Variants in POMC observed in about 807,000 individuals in gnomAD.
POMC encodes pro-opiomelanocortin.
POMC carries 19 observed loss-of-function variants against 18.5 expected under a neutral mutation model. The ratio of observed to expected loss-of-function variants is 1.03; its 90% CI spans 0.72 to 1.51. POMC has a LOEUF of 1.51. Ranked by LOEUF, POMC falls within the 40% of genes most tolerant of loss-of-function variation. The pLI is 0.00. For missense variants in POMC, 451 were observed against 379.0 expected (o/e 1.19, Z -1.58); for synonymous variants, 179 against 161.9 (o/e 1.11, Z -0.80).
At chr2:25,164,572 T>C (rs565125686) in intron 2 of POMC, 69 bp downstream of exon 2, 19 of 1,609,600 alleles carry the variant, frequency 1.2e-5, no homozygotes, top group Middle Eastern at 1.7e-4. Context: ...CACACCCTTT[T>C]CTTTTGAGCT....
At chr2:25,165,008 T>C (rs1417363318) in intron 1 of POMC, among the ~76,000 whole-genome samples, 1 of 152,092 alleles carries the variant, frequency 6.6e-6, no homozygotes, top group East Asian at 1.9e-4. Context: ...CTGTGACCAT[T>C]TCCCTGTTAT....
intron 1 of POMC, among the ~76,000 whole-genome samples, chr2:25,167,122 C>G: frequency 6.6e-6 from 1 of 152,158 alleles, no homozygotes; most frequent in Non-Finnish European, 1.5e-5. Context: ...AAACTGCACG[C>G]TGGCCATGAC....
At chr2:25,166,390 G>A (rs1180474250) in intron 1 of POMC, among the ~76,000 whole-genome samples, 1 of 152,202 alleles carries the variant, frequency 6.6e-6, no homozygotes, top group African/African-American at 2.4e-5. Context: ...GAACTTGGTG[G>A]ACCAGGCAAT....
At position 25,161,239 on chromosome 2, in the gene POMC, T is replaced by C. The variant is rs759304451; in HGVS notation, c.646A>G (p.Lys216Glu). The C allele has an allele frequency of 3.1e-6, 5 of 1,610,884 alleles. No homozygotes were observed. Among genetic ancestry groups the C allele is most frequent in the Non-Finnish European group, 2.5e-6 (3 of 1,178,894 alleles). Residue 216 changes from lysine to glutamate, a missense_variant, in exon 3 of 3, where the codon AAG becomes GAG. Physicochemically the swap from Lys to Glu is moderately conservative, Grantham distance 56. Coordinates refer to ENST00000395826, the MANE Select transcript of POMC (RefSeq NM_000939.4). The surrounding 1 kb of genome is among the most constrained non-coding windows in gnomAD (Gnocchi z 5.7). ...TCCATCCTGTAGGGGCCCTCGTCCT[T>C]CTTCTCGGCCGCCACCAGCAGGCTG... The part of the protein sequence containing the change: ...EHSLLVAAEK[K>E]DEGPYRMEHF...
intron 1 of POMC, 95 bp from the exon 2 acceptor site, chr2:25,164,887 A>C: frequency 2.2e-6 from 3 of 1,370,146 alleles, no homozygotes; most frequent in Non-Finnish European, 3.1e-6. Flanking sequence ...TTAACAACAC[A>C]CTCTCTTGTG....
intron 1 of POMC, among the ~76,000 whole-genome samples, chr2:25,167,894 C>T (rs961888588): frequency 2.0e-5 from 3 of 152,258 alleles, no homozygotes; most frequent in Admixed American, 2.0e-4. Context: ...TGGCTCGCGC[C>T]TGTAATGCCA....
rs6713396 is a variant in POMC, at chr2:25,161,836, T to C, written c.133-84A>G. 0.039 allele frequency: 57,599 copies of C among 1,473,870 alleles called. 3,289 individuals carry two copies. The highest frequency in any genetic ancestry group is 0.28 in the African/African-American group (19,199 of 69,392). The allele number at this position is 1,473,870 out of a possible 1,614,324, so 91.3% of individuals were successfully genotyped here. A position where few individuals can be genotyped will look rare whatever the true frequency, so the allele number is the denominator to read the frequency against. On this transcript the variant is annotated intron_variant, in intron 2 of 2. Transcript: ENST00000395826. This position sits in a 1 kb window ranked among gnomAD's most constrained non-coding sequence, Gnocchi z 5.7. The stretch of plus-strand genomic sequence containing the variant: ...CGCGCCCGTCACTGCGCCTAGGCCC[T>C]GGCCGCCCTCGCCACGTGCCGAGGA...
At chr2:25,163,725 C>T (rs1671465197) in intron 2 of POMC, among the ~76,000 whole-genome samples, 1 of 152,216 alleles carries the variant, frequency 6.6e-6, no homozygotes, top group Admixed American at 6.5e-5. Flanking sequence ...TGTCGTCAGA[C>T]TCCTGGCCTC....
In POMC at chr2:25,161,452, G is replaced by C. The variant is rs756412997; in HGVS notation, c.433C>G (p.Arg145Gly). 1 of 1,610,138 alleles carries C rather than the reference G, an allele frequency of 6.2e-7. No individual in the cohort carries two copies. Among genetic ancestry groups the C allele is most frequent in the South Asian group, 1.1e-5 (1 of 90,610 alleles). The change falls in exon 3 of 3, where the codon CGC becomes GGC. Residue 145 changes from arginine (R) to glycine (G), a missense_variant. Transcript: ENST00000395826. This position sits in a 1 kb window ranked among gnomAD's most constrained non-coding sequence, Gnocchi z 5.7. The part of the protein sequence containing the change: ...GKRSYSMEHF[R>G]WGKPVGKKRR... ...TTCTTGCCCACCGGCTTGCCCCAGC[G>C]GAAGTGCTCCATGGAGTAGGAGCGC...
chr2:25,164,646 G>A lies in POMC; in HGVS notation c.127C>T (p.Leu43=). The A allele has an allele frequency of 6.2e-7, 1 of 1,614,082 alleles. No individual in the cohort carries two copies. Among genetic ancestry groups the A allele is most frequent in the Non-Finnish European group, 8.5e-7 (1 of 1,179,938 alleles). ...QCQDLTTESN[L]LECIRACKPD... is the part of the protein sequence containing the mutation. ...GGCAGTCATGGCCCACGTACCAGCA[G>A]GTTGCTTTCCGTGGTGAGGTCCTGA... The change falls in exon 2 of 3, where the codon CTG becomes TTG. Residue 43 remains leucine, a synonymous_variant. Coordinates refer to ENST00000395826, the MANE Select transcript of POMC (RefSeq NM_000939.4).
At position 25,161,673 on chromosome 2, in the gene POMC, G is replaced by C; in HGVS notation, c.212C>G (p.Thr71Ser). ...CATGACGTACTTCCGGGGGTTCTCGGTCAGAGGCTGCTCGTCGCCATTTCC... is the reference window on the plus strand; with the variant it reads ...CATGACGTACTTCCGGGGGTTCTCGCTCAGAGGCTGCTCGTCGCCATTTCC... The part of the protein sequence containing the change: ...FPGNGDEQPL[T>S]ENPRKYVMGH... The change falls in exon 3 of 3, where the codon ACC becomes AGC. Residue 71 changes from threonine to serine, a missense_variant. Thr to Ser is a moderately conservative substitution (Grantham distance 58). Transcript: ENST00000395826. This position sits in a 1 kb window ranked among gnomAD's most constrained non-coding sequence, Gnocchi z 5.7. The C allele has an allele frequency of 6.4e-7, 1 of 1,566,880 alleles. No individual in the cohort carries two copies. The highest frequency in any genetic ancestry group is 8.6e-7 in the Non-Finnish European group (1 of 1,156,912).
In POMC at chr2:25,161,599, C is replaced by G; in HGVS notation, c.286G>C (p.Gly96Arg). The G allele has an allele frequency of 8.4e-6, 13 of 1,556,836 alleles. No individual in the cohort carries two copies. The highest frequency in any genetic ancestry group is 1.1e-5 in the Non-Finnish European group (13 of 1,150,396). ...CGCTTCTGCCCTGCGCCGCTGCTGCCGCTGCTGCTGCTGTTGCGGCGGCCG... is the reference window on the plus strand; with the variant it reads ...CGCTTCTGCCCTGCGCCGCTGCTGCGGCTGCTGCTGCTGTTGCGGCGGCCG... ...RFGRRNSSSS[G>R]SSGAGQKRED... Residue 96 changes from glycine (G) to arginine (R), a missense_variant, in exon 3 of 3, where the codon GGC becomes CGC. Physicochemically the swap from Gly to Arg is moderately radical, Grantham distance 125. Transcript: ENST00000395826. This position sits in a 1 kb window ranked among gnomAD's most constrained non-coding sequence, Gnocchi z 5.7.
intron 1 of POMC, among the ~76,000 whole-genome samples, 186 bp from the exon 2 acceptor site, chr2:25,164,978 A>G (rs1671509155): frequency 3.2e-5 from 1 of 31,690 alleles, no homozygotes; most frequent in Admixed American, 4.1e-4. Flanking sequence ...TGTGATAAGG[A>G]GGAGGGAATG....
rs1451170386 is a variant in POMC, at chr2:25,166,458, T to C, written c.-20-1666A>G. 2.0e-5 allele frequency among the ~76,000 whole-genome samples: 3 copies of C among 152,232 alleles called. No individual in the cohort carries two copies. In the South Asian group the frequency reaches 6.2e-4, roughly 32 times the overall value. The stretch of plus-strand genomic sequence containing the variant: ...TTAGCTCTGAAAAATGCCCAGATGT[T>C]ACAGTCACAGAAAAATGGTAGTTAC... On this transcript the variant is annotated intron_variant, in intron 1 of 2. Coordinates refer to ENST00000395826, the MANE Select transcript of POMC (RefSeq NM_000939.4).
rs1346047769 is a variant in POMC at position 25,161,605 on chromosome 2, T to TGCC, written c.279_280insGGC (p.Ser93_Ser94insGly). On this transcript the variant is annotated inframe_insertion, in exon 3 of 3. Coordinates refer to ENST00000395826, the MANE Select transcript of POMC (RefSeq NM_000939.4). This position sits in a 1 kb window ranked among gnomAD's most constrained non-coding sequence, Gnocchi z 5.7. ...TGCCCTGCGCCGCTGCTGCCGCTGC[T>TGCC]GCTGCTGTTGCGGCGGCCGAATCGG... 1.4e-5 allele frequency: 22 copies of TGCC among 1,556,024 alleles called. No homozygotes were observed. Among genetic ancestry groups the TGCC allele is most frequent in the African/African-American group, 8.2e-5 (6 of 73,248 alleles).
rs1401019926 is a variant in POMC at position 25,161,663 on chromosome 2, GGGGTTCTCGGTCAGA to G, written c.207_221del (p.Leu70_Pro74del). The G allele has an allele frequency of 3.2e-6, 5 of 1,561,224 alleles. No homozygotes were observed. Among genetic ancestry groups the G allele is most frequent in the Non-Finnish European group, 4.3e-6 (5 of 1,153,466 alleles). ...GGAAGTGGCCCATGACGTACTTCCG[GGGGTTCTCGGTCAGA>G]GGCTGCTCGTCGCCATTTCCCGGGA... On this transcript the variant is annotated inframe_deletion, in exon 3 of 3. Transcript: ENST00000395826. This position sits in a 1 kb window ranked among gnomAD's most constrained non-coding sequence, Gnocchi z 5.7.
chr2:25,161,366 G>C lies in POMC; in HGVS notation c.519C>G (p.Pro173=). 1.9e-6 allele frequency: 3 copies of C among 1,606,316 alleles called. No individual in the cohort carries two copies. The highest frequency in any genetic ancestry group is 2.5e-6 in the Non-Finnish European group (3 of 1,176,796). The change falls in exon 3 of 3, where the codon CCC becomes CCG. Residue 173 remains proline, a synonymous_variant. Transcript: ENST00000395826. This position sits in a 1 kb window ranked among gnomAD's most constrained non-coding sequence, Gnocchi z 5.7. ...CAGTCAGCTCCCTCTTGAACTCCAG[G>C]GGGAAGGCCTCGGCCGACTCGTCCT... ...GAEDESAEAF[P]LEFKRELTGQ...
chr2:25,164,509 C>G, intron 2 of POMC, 132 bp downstream of exon 2: 1 of 1,448,478 alleles, frequency 6.9e-7, no homozygotes, highest in Non-Finnish European at 9.7e-7. Context: ...CAAAGTTTTG[C>G]TCCTGCCCTG....
In POMC at chr2:25,161,222, G is replaced by C; in HGVS notation, c.663C>G (p.Tyr221Ter). 1 of 1,613,288 alleles carries C rather than the reference G, an allele frequency of 6.2e-7. No individual in the cohort carries two copies. The highest frequency in any genetic ancestry group is 8.5e-7 in the Non-Finnish European group (1 of 1,179,814). The stretch of plus-strand genomic sequence containing the variant: ...TGCCCCAGCGGAAGTGCTCCATCCT[G>C]TAGGGGCCCTCGTCCTTCTTCTCGG... ...VAAEKKDEGPYRMEHFRWGSP... is the reference protein window; with the variant it reads ...VAAEKKDEGP The change falls in exon 3 of 3, where the codon TAC (tyrosine) becomes TAG (stop). Residue 221 changes from tyrosine to a stop codon, truncating the protein, a stop_gained. Coordinates refer to ENST00000395826, the MANE Select transcript of POMC (RefSeq NM_000939.4). LOFTEE classifies it high-confidence loss of function. The surrounding 1 kb of genome is among the most constrained non-coding windows in gnomAD (Gnocchi z 5.7).
Sources: allele counts gnomAD v4.1 joint callset (sites outside exome capture counted in the v4.1 genomes callset), GRCh38; gene constraint gnomAD v4.1.1; non-coding constraint Gnocchi (gnomAD v3.1); transcripts MANE v1.5; gene names NCBI Gene and HGNC (gene_info 2026-07-23, HGNC 2026-07-21).